Variants in KIF13B observed in about 807,000 individuals in gnomAD.
The protein encoded by KIF13B is kinesin family member 13B, also known as kinesin-like protein KIF13B.
KIF13B carries 127 observed loss-of-function variants against 222.0 expected under a neutral mutation model. The observed-to-expected ratio is 0.57, with a 90% CI of 0.50 to 0.66. The LOEUF (loss-of-function observed/expected upper bound fraction) is 0.66, where lower values mean the gene tolerates loss of function less well. Among genes scored for constraint, KIF13B ranks in the 30% least tolerant of loss-of-function variants. KIF13B has a pLI of 0.00. For missense variants in KIF13B, 2,173 were observed against 2,379.0 expected, an observed-to-expected ratio of 0.91 and a Z score of 1.80; for synonymous variants, 976 against 919.0, an observed-to-expected ratio of 1.06 and a Z score of -1.12.
At chr8:29,229,630 T>G (rs1815196354) in intron 2 of KIF13B, among the ~76,000 whole-genome samples, 1 of 152,234 alleles carries the variant, frequency 6.6e-6, no homozygotes, top group Non-Finnish European at 1.5e-5. Flanking sequence ...TACTGACACC[T>G]TCTAAGCATT....
intron 1 of KIF13B, among the ~76,000 whole-genome samples, chr8:29,255,929 G>C (rs1341668828): frequency 2.6e-5 from 4 of 152,116 alleles, no homozygotes; most frequent in Middle Eastern, 3.4e-3. Context: ...CTTGGCCTCT[G>C]TGACCGCCTC....
intron 37 of KIF13B, among the ~76,000 whole-genome samples, chr8:29,084,212 G>A (rs530934121): frequency 4.6e-5 from 7 of 152,236 alleles, no homozygotes; most frequent in East Asian, 1.9e-4. Context: ...CACCGCACCC[G>A]ACCGTGTTTT....
At chr8:29,205,793 TA>T (rs1045681408) in intron 2 of KIF13B, among the ~76,000 whole-genome samples, 1 of 151,726 alleles carries the variant, frequency 6.6e-6, no homozygotes, top group Non-Finnish European at 1.5e-5. Flanking sequence ...TACTTCAAAT[TA>T]AAAAGAGGCC....
chr8:29,070,548 T>C lies in KIF13B; in HGVS notation c.5437A>G (p.Arg1813Gly), dbSNP rs753341839. ...CGGTTCTCAGGGTTCTTGTGGCTCC[T>C]GTCGGCCTTGGCCAGGGCAGCTGTC... ...SLTAALAKAD[R>G]SHKNPENRKS... The change falls in exon 40 of 40, where the codon AGG (arginine) becomes GGG (glycine). Residue 1813 changes from arginine (R) to glycine (G), a missense_variant. This residue lies in a region of KIF13B where 693 missense variants were observed against 656.2 expected (regional missense o/e 1.06). Transcript: ENST00000524189. The surrounding 1 kb of genome is among the most constrained non-coding windows in gnomAD (Gnocchi z 4.1). The C allele has an allele frequency of 1.7e-5, 27 of 1,608,988 alleles. No individual in the cohort carries two copies. Among genetic ancestry groups the C allele is most frequent in the Non-Finnish European group, 2.2e-5 (26 of 1,178,362 alleles).
In KIF13B at chr8:29,067,554, AGT is replaced by A. The variant is rs1167415794; in HGVS notation, c.*2948_*2949del. 6.6e-6 allele frequency: 1 copy of A among 152,258 alleles called. No homozygotes were observed. Among genetic ancestry groups the A allele is most frequent in the African/African-American group, 2.4e-5 (1 of 41,440 alleles). 9.4% of individuals were successfully genotyped at this position (152,258 alleles called of 1,614,324 possible). On this transcript the variant is annotated 3_prime_UTR_variant, in exon 40 of 40. Transcript: ENST00000524189. ...TGTTCCAAGACCCCCCAACACCATT[AGT>A]GTCTGCAGCCCACCAGGAAGGCACC...
chr8:29,122,855 T>G (rs1394247339), intron 28 of KIF13B, among the ~76,000 whole-genome samples: 4 of 152,256 alleles, frequency 2.6e-5, no homozygotes, highest in African/African-American at 9.6e-5. Flanking sequence ...CTTAGCCTTA[T>G]AAGACACTAC....
intron 2 of KIF13B, among the ~76,000 whole-genome samples, chr8:29,222,465 AT>A (rs1455444800): frequency 6.7e-6 from 1 of 149,120 alleles, no homozygotes; most frequent in Non-Finnish European, 1.5e-5. Flanking sequence ...TAGTAGTAAA[AT>A]CATAGCCCAT....
At chr8:29,103,778 C>T (rs1257568538) in intron 35 of KIF13B, among the ~76,000 whole-genome samples, 1 of 152,100 alleles carries the variant, frequency 6.6e-6, no homozygotes, top group Non-Finnish European at 1.5e-5. Flanking sequence ...AGAACCGAAC[C>T]ACTTTCCTCT....
chr8:29,179,128 A>AT (rs5890442), intron 8 of KIF13B, among the ~76,000 whole-genome samples: 83,780 of 149,040 alleles, frequency 0.56, 23,791 homozygotes, highest in Admixed American at 0.64. Context: ...ATCAGCTAGA[A>AT]TTTTTTTTTT....
chr8:29,119,626 T>C (rs1338345993), intron 29 of KIF13B, among the ~76,000 whole-genome samples: 2 of 152,186 alleles, frequency 1.3e-5, no homozygotes, highest in African/African-American at 4.8e-5. Context: ...TGTCTTTCAC[T>C]TTCTTATGCA....
chr8:29,069,948 G>A lies in KIF13B; in HGVS notation c.*556C>T, dbSNP rs1807175625. The A allele has an allele frequency of 6.5e-6, 1 of 153,998 alleles. No homozygotes were observed. Among genetic ancestry groups the A allele is most frequent in the African/African-American group, 2.4e-5 (1 of 41,338 alleles). The allele number at this position is 153,998 out of a possible 1,614,324, so 9.5% of individuals were successfully genotyped here. A position where few individuals can be genotyped will look rare whatever the true frequency, so the allele number is the denominator to read the frequency against. On this transcript the variant is annotated 3_prime_UTR_variant, in exon 40 of 40. Coordinates refer to ENST00000524189, the MANE Select transcript of KIF13B (RefSeq NM_015254.4). ...CTGCCAGAGCCCAGGGCCCTCCAGA[G>A]GCACTTGTGGAACCTGGGACCAGGG...
At chr8:29,214,113 G>A (rs1349002958) in intron 2 of KIF13B, among the ~76,000 whole-genome samples, 3 of 152,184 alleles carry the variant, frequency 2.0e-5, no homozygotes, top group African/African-American at 7.2e-5. Flanking sequence ...GTGAGTGAAC[G>A]TGAAGGCCTA....
Position 29,119,007 on chromosome 8 carries a change from G to A in KIF13B, c.3536-15C>T, listed in dbSNP as rs1446670845. The A allele has an allele frequency of 6.2e-7, 1 of 1,610,712 alleles. No homozygotes were observed. The highest frequency in any genetic ancestry group is 8.5e-7 in the Non-Finnish European group (1 of 1,178,772). ...GAAATCATCAGCTAAAAGCAAAGAAGTTCCATTAAATACTGAGATCATTTT... is the reference window on the plus strand; with the variant it reads ...GAAATCATCAGCTAAAAGCAAAGAAATTCCATTAAATACTGAGATCATTTT... On this transcript the variant is annotated splice_polypyrimidine_tract_variant and intron_variant, in intron 29 of 39. Coordinates refer to ENST00000524189, the MANE Select transcript of KIF13B (RefSeq NM_015254.4).
chr8:29,108,348 G>A (rs1809192852), intron 34 of KIF13B, among the ~76,000 whole-genome samples, 156 bp from the exon 35 acceptor site: 1 of 152,130 alleles, frequency 6.6e-6, no homozygotes, highest in South Asian at 2.1e-4. Flanking sequence ...GTGGTCTTTG[G>A]GACATTACAA....
In KIF13B at chr8:29,124,004, A is replaced by T; in HGVS notation, c.3352+20T>A. 6.8e-7 allele frequency: 1 copy of T among 1,467,408 alleles called. No homozygotes were observed. Among genetic ancestry groups the T allele is most frequent in the South Asian group, 1.2e-5 (1 of 86,614 alleles). The allele number at this position is 1,467,408 out of a possible 1,614,324, so 90.9% of individuals were successfully genotyped here. The stretch of plus-strand genomic sequence containing the variant: ...GCATTGATTTGCAGGGGAGAAAAAT[A>T]TTCTATTTGTTTTTCCTACCACGTT... On this transcript the variant is annotated intron_variant, in intron 27 of 39. Coordinates refer to ENST00000524189, the MANE Select transcript of KIF13B (RefSeq NM_015254.4).
chr8:29,170,177 G>T (rs1027299542), intron 10 of KIF13B, among the ~76,000 whole-genome samples: 4 of 152,210 alleles, frequency 2.6e-5, no homozygotes, highest in Non-Finnish European at 5.9e-5. Flanking sequence ...ATCAGATGAG[G>T]TTTGTTTCAA....
intron 2 of KIF13B, among the ~76,000 whole-genome samples, chr8:29,243,977 G>A (rs1298017596): frequency 6.6e-6 from 1 of 152,174 alleles, no homozygotes; most frequent in Admixed American, 6.5e-5. Context: ...ACATAATGAA[G>A]GATTCGATTT....
rs140243403 is a variant in KIF13B, at chr8:29,084,686, A to G, written c.4458+8059T>C. ...TTTACAGTTCCTAACTTTGAAGTAC[A>G]TAAATAGCTTCATCTGAACACAAAC... On this transcript the variant is annotated intron_variant, in intron 37 of 39. Transcript: ENST00000524189. Among the ~76,000 whole-genome samples, 3 of 152,372 alleles carry G rather than the reference A, an allele frequency of 2.0e-5. No homozygotes were observed. The East Asian group carries it at 5.8e-4, about 29-fold the overall frequency.
intron 21 of KIF13B, among the ~76,000 whole-genome samples, chr8:29,136,430 A>G (rs1810557293): frequency 6.6e-6 from 1 of 152,024 alleles, no homozygotes; most frequent in Non-Finnish European, 1.5e-5. Flanking sequence ...AACACAAAAA[A>G]TTAGCCAGAT....
Sources: gnomAD v4.1 joint callset for allele counts (sites outside exome capture counted in the v4.1 genomes callset) on GRCh38, gnomAD v4.1.1 for gene constraint, gnomAD v4.1.1 regional missense constraint, Gnocchi (gnomAD v3.1) non-coding constraint, MANE v1.5 for transcripts, NCBI Gene and HGNC (gene_info 2026-07-23, HGNC 2026-07-21) for gene names.